POLE3: variants seen among roughly 807,000 people sequenced by gnomAD.
POLE3 encodes the protein DNA polymerase epsilon subunit 3.
Under a neutral mutation model 16.1 loss-of-function variants are expected in POLE3, and 10 were observed. The observed-to-expected ratio is 0.62, with a 90% CI of 0.38 to 1.05. The LOEUF (loss-of-function observed/expected upper bound fraction) is 1.05. POLE3 is among the 50% of genes least tolerant of loss of function. The pLI, the probability that POLE3 is intolerant of heterozygous loss-of-function variation, is 0.01. For synonymous variants in POLE3, 83 were observed against 71.0 expected (o/e 1.17, Z -0.85); for missense variants, 169 against 185.0 (o/e 0.91, Z 0.50).
chr9:113,408,626 C>A lies in POLE3; in HGVS notation c.*185G>T, dbSNP rs34845832. On this transcript the variant is annotated 3_prime_UTR_variant, in exon 5 of 5. Transcript: ENST00000374171. ...ATTGATGAAGCAAAACAGGATTCTG[C>A]TACTCAGATGCTCTGAGTTTGGTAA... The A allele has an allele frequency of 4.0e-5, 22 of 549,120 alleles. 1 individual carries two copies. The highest frequency in any genetic ancestry group is 3.0e-4 in the African/African-American group (16 of 53,486). The allele number at this position is 549,120 out of a possible 1,614,324, so 34.0% of individuals were successfully genotyped here.
chr9:113,409,393 G>A (rs556368841), intron 4 of POLE3, among the ~76,000 whole-genome samples: 2 of 149,232 alleles, frequency 1.3e-5, no homozygotes, highest in East Asian at 2.0e-4. Flanking sequence ...AACAAGAAAA[G>A]CAAGACAAAA....
chr9:113,408,764 C>G lies in POLE3; in HGVS notation c.*47G>C, dbSNP rs1827991140. 6.7e-7 allele frequency: 1 copy of G among 1,481,488 alleles called. No homozygotes were observed. Among genetic ancestry groups the G allele is most frequent in the South Asian group, 1.2e-5 (1 of 86,316 alleles). 91.8% of individuals were successfully genotyped at this position (1,481,488 alleles called of 1,614,324 possible). A position where few individuals can be genotyped will look rare whatever the true frequency, so the allele number is the denominator to read the frequency against. ...AGCTTCACAGAAACACGTAGCACGT[C>G]TCATTTCAAGTGGTACCTTCCAAGG... On this transcript the variant is annotated 3_prime_UTR_variant, in exon 5 of 5. Transcript: ENST00000374171.
rs552314854 is a variant in POLE3, at chr9:113,407,951, A to G, written c.*860T>C. ...GGCACTCGTCATGAATTGAAGAATGAAAAGCCATAGTCACAAGTCTGGGAG... is the reference window on the plus strand; with the variant it reads ...GGCACTCGTCATGAATTGAAGAATGGAAAGCCATAGTCACAAGTCTGGGAG... On this transcript the variant is annotated 3_prime_UTR_variant, in exon 5 of 5. Coordinates refer to ENST00000374171, the MANE Select transcript of POLE3 (RefSeq NM_017443.5). 6.5e-6 allele frequency: 1 copy of G among 152,758 alleles called. No individual in the cohort carries two copies. The highest frequency in any genetic ancestry group is 1.9e-4 in the East Asian group (1 of 5,188). The allele number at this position is 152,758 out of a possible 1,614,324, so 9.5% of individuals were successfully genotyped here. A position where few individuals can be genotyped will look rare whatever the true frequency, so the allele number is the denominator to read the frequency against.
upstream of POLE3, chr9:113,410,740 T>A (rs1255936892): frequency 1.3e-5 from 3 of 230,812 alleles, no homozygotes; most frequent in Non-Finnish European, 2.6e-5. Context: ...GCGGGGCGGA[T>A]CCCTTTAGGA....
chr9:113,409,931 C>T, intron 3 of POLE3, 124 bp downstream of exon 3: 1 of 830,318 alleles, frequency 1.2e-6, no homozygotes. Context: ...CTTGTAAAAA[C>T]TGGCAGAGGA....
intron 4 of POLE3, 62 bp downstream of exon 4, chr9:113,409,548 G>A: frequency 1.0e-6 from 1 of 1,001,842 alleles, no homozygotes; most frequent in Non-Finnish European, 1.6e-6. Context: ...CTCAGGGCCT[G>A]GTGAACAGGT....
chr9:113,410,227 C>A lies in POLE3; in HGVS notation c.66+1G>T. 3 of 1,613,672 alleles carry A rather than the reference C, an allele frequency of 1.9e-6. No homozygotes were observed. Among genetic ancestry groups the A allele is most frequent in the Non-Finnish European group, 2.5e-6 (3 of 1,179,918 alleles). ...TCGTCCGCCCCCCCCGAGCTGCTCA[C>A]CGCCTCCTTGATGATCCTGGTGATC... is the stretch of plus-strand genomic sequence containing the variant. On this transcript the variant is annotated splice_donor_variant, in intron 2 of 4. Coordinates refer to ENST00000374171, the MANE Select transcript of POLE3 (RefSeq NM_017443.5). LOFTEE classifies it high-confidence loss of function.
At position 113,410,360 on chromosome 9, in the gene POLE3, G is replaced by A. The variant is rs1828076728; in HGVS notation, c.-67C>T. ...GGGAGCTACTGCGTCCGGACTTCCC[G>A]CGTCGCTACGGTCTGACCCTGCGAG... is the stretch of plus-strand genomic sequence containing the variant. On this transcript the variant is annotated 5_prime_UTR_variant, in exon 2 of 5. Coordinates refer to ENST00000374171, the MANE Select transcript of POLE3 (RefSeq NM_017443.5). 6.9e-7 allele frequency: 1 copy of A among 1,443,528 alleles called. No homozygotes were observed. Among genetic ancestry groups the A allele is most frequent in the Non-Finnish European group, 9.6e-7 (1 of 1,043,634 alleles). 89.4% of individuals were successfully genotyped at this position (1,443,528 alleles called of 1,614,324 possible).
rs1189760460 is a variant in POLE3 at position 113,410,040 on chromosome 9, C to T, written c.152+15G>A. The T allele has an allele frequency of 1.3e-6, 2 of 1,550,506 alleles. No homozygotes were observed. Among genetic ancestry groups the T allele is most frequent in the Non-Finnish European group, 1.7e-6 (2 of 1,147,556 alleles). On this transcript the variant is annotated intron_variant, in intron 3 of 4. Coordinates refer to ENST00000374171, the MANE Select transcript of POLE3 (RefSeq NM_017443.5). ...AGGTATCCCCGCGCCTCCCTTATGC[C>T]TCTGTCCCGCTCACCAGGATGTGGC...
At chr9:113,409,557 G>C (rs1828031158) in intron 4 of POLE3, 53 bp downstream of exon 4, 1 of 1,092,392 alleles carries the variant, frequency 9.2e-7, no homozygotes, top group Admixed American at 1.7e-5. Context: ...TGGTGAACAG[G>C]TCACACAGGA....
In POLE3 at chr9:113,409,691, G is replaced by A; in HGVS notation, c.190C>T (p.Leu64=). Residue 64 remains leucine, a synonymous_variant, in exon 4 of 5, where the codon CTG becomes TTG. Transcript: ENST00000374171. The part of the protein sequence containing the change: ...NFAMKGKRKT[L]NASDVLSAME... ...GCTGAGAGCACATCACTGGCATTCA[G>A]CGTCTTCCGCTTTCCTTTCATTGCA... 1.2e-6 allele frequency: 2 copies of A among 1,613,550 alleles called. No individual in the cohort carries two copies. Among genetic ancestry groups the A allele is most frequent in the South Asian group, 2.2e-5 (2 of 91,076 alleles).
At chr9:113,409,787 G>A (rs1036280976) in intron 3 of POLE3, 59 bp from the exon 4 acceptor site, 2 of 1,149,802 alleles carry the variant, frequency 1.7e-6, no homozygotes, top group Non-Finnish European at 2.6e-6. Flanking sequence ...AGTGGGAAAA[G>A]GAGCACCCAG....
chr9:113,410,715 G>A (rs1043613303), upstream of POLE3: 38 of 234,036 alleles, frequency 1.6e-4, 1 homozygote, highest in Middle Eastern at 6.6e-3. Context: ...GGGAGACGAA[G>A]GCGTGGCTGA....
intron 4 of POLE3, 28 bp downstream of exon 4, chr9:113,409,582 G>A (rs1319667572): frequency 1.2e-5 from 16 of 1,291,678 alleles, no homozygotes; most frequent in Non-Finnish European, 1.8e-5. Flanking sequence ...CATCTTCTAT[G>A]TGGTTTAGAA....
chr9:113,409,729 CTG>C lies in POLE3; in HGVS notation c.153-3_153-2del. The C allele has an allele frequency of 6.3e-7, 1 of 1,583,996 alleles. No individual in the cohort carries two copies. The highest frequency in any genetic ancestry group is 8.7e-7 in the Non-Finnish European group (1 of 1,152,828). On this transcript the variant is annotated splice_acceptor_variant and splice_polypyrimidine_tract_variant and intron_variant, in intron 3 of 4. Coordinates refer to ENST00000374171, the MANE Select transcript of POLE3 (RefSeq NM_017443.5). LOFTEE classifies it high-confidence loss of function. ...TCCTTTCATTGCAAAGTTGTTAGCA[CTG>C]AGAGAAGAGAAAGGCTGTCAGACTC...
In POLE3 at chr9:113,407,910, A is replaced by G. The variant is rs1175255654; in HGVS notation, c.*901T>C. 1 of 152,800 alleles carries G rather than the reference A, an allele frequency of 6.5e-6. No homozygotes were observed. Among genetic ancestry groups the G allele is most frequent in the African/African-American group, 2.4e-5 (1 of 41,458 alleles). The allele number at this position is 152,800 out of a possible 1,614,324, so 9.5% of individuals were successfully genotyped here. ...GGCACAGAGGGAGAAAGCTGTGCCTAGAGAAAATCAAGTTTGGCACTCGTC... is the reference window on the plus strand; with the variant it reads ...GGCACAGAGGGAGAAAGCTGTGCCTGGAGAAAATCAAGTTTGGCACTCGTC... On this transcript the variant is annotated 3_prime_UTR_variant, in exon 5 of 5. Coordinates refer to ENST00000374171, the MANE Select transcript of POLE3 (RefSeq NM_017443.5).
At chr9:113,409,022 A>C (rs1169009233) in intron 4 of POLE3, 39 bp from the exon 5 acceptor site, 4 of 1,592,038 alleles carry the variant, frequency 2.5e-6, no homozygotes, top group Non-Finnish European at 3.4e-6. Flanking sequence ...ACAGAGCTGA[A>C]AGTGAGCCAG....
chr9:113,410,022 C>A (rs1257773740), intron 3 of POLE3, 33 bp downstream of exon 3: 1 of 1,524,386 alleles, frequency 6.6e-7, no homozygotes, highest in Admixed American at 2.0e-5. Context: ...GCCAGGTATC[C>A]CCGCGCCTCC....
intron 4 of POLE3, among the ~76,000 whole-genome samples, chr9:113,409,375 AAAAC>A (rs1828019790): frequency 6.6e-6 from 1 of 151,690 alleles, no homozygotes; most frequent in Non-Finnish European, 1.5e-5. Context: ...AAAAAAAAAA[AAAAC>A]AAAAACAAGA....
Sources: gnomAD v4.1 joint callset for allele counts (sites outside exome capture counted in the v4.1 genomes callset) on GRCh38, gnomAD v4.1.1 for gene constraint, MANE v1.5 for transcripts, NCBI Gene and HGNC (gene_info 2026-07-23, HGNC 2026-07-21) for gene names.